The following CHFR variants were observed in gnomAD, a reference collection of about 807,000 sequenced individuals.
The protein encoded by CHFR is checkpoint with forkhead and ring finger domains.
A neutral mutation model predicts 87.6 loss-of-function variants in CHFR; 57 were observed. That is an observed-to-expected ratio of 0.65 (90% CI 0.53 to 0.81). The LOEUF (loss-of-function observed/expected upper bound fraction) is 0.81, where lower values mean the gene tolerates loss of function less well. Ranked by LOEUF, CHFR falls within the 30% of genes least tolerant of loss-of-function variation. CHFR has a pLI of 0.00. For synonymous variants in CHFR, 381 were observed against 359.2 expected, an observed-to-expected ratio of 1.06 and a Z score of -0.69; for missense variants, 797 against 865.8, an observed-to-expected ratio of 0.92 and a Z score of 1.00.
chr12:132,856,508 G>A lies in CHFR; in HGVS notation c.1189C>T (p.Leu397=), dbSNP rs1309789349. 43 of 1,614,108 alleles carry A rather than the reference G, an allele frequency of 2.7e-5. No homozygotes were observed. Among genetic ancestry groups the A allele is most frequent in the Non-Finnish European group, 3.4e-5 (40 of 1,180,062 alleles). Residue 397 remains leucine, a synonymous_variant, in exon 10 of 18, where the codon CTG becomes TTG. Transcript: ENST00000450056. ...SDEEGSSEDL[L]ELSDVDSESS... ...TCACTGTCAACGTCTGACAGCTCCA[G>A]CAGGTCCTCTGAACTCCCTTCTTCA...
At chr12:132,846,323 C>T (rs973582499) in intron 15 of CHFR, among the ~76,000 whole-genome samples, 11 of 145,536 alleles carry the variant, frequency 7.6e-5, no homozygotes, top group Admixed American at 1.4e-4. Flanking sequence ...AGTGCAGTGG[C>T]GTGATTTTGG....
chr12:132,863,687 A>G (rs1951268401), intron 6 of CHFR, among the ~76,000 whole-genome samples: 1 of 152,196 alleles, frequency 6.6e-6, no homozygotes, highest in Admixed American at 6.5e-5. Flanking sequence ...GGAGAGCGCT[A>G]TCTCCACGAG....
intron 6 of CHFR, chr12:132,866,015 T>C (rs1227554230): frequency 6.6e-6 from 1 of 152,170 alleles, no homozygotes; most frequent in African/African-American, 2.4e-5. Context: ...CTTTCACTCA[T>C]AAATTTAAGG....
rs138774984 is a variant in CHFR, at chr12:132,871,630, G to T, written c.343+655C>A. 7.2e-5 allele frequency among the ~76,000 whole-genome samples: 11 copies of T among 151,894 alleles called. No individual in the cohort carries two copies. In the East Asian group the frequency reaches 2.1e-3, roughly 29 times the overall value. On this transcript the variant is annotated intron_variant, in intron 4 of 17. Coordinates refer to ENST00000450056, the MANE Select transcript of CHFR (RefSeq NM_001161346.2). ...CTACTAAAAATACAAAAATGAGCCGGGCGTGGTGGTGGGCACCTATAATCC... is the reference window on the plus strand; with the variant it reads ...CTACTAAAAATACAAAAATGAGCCGTGCGTGGTGGTGGGCACCTATAATCC...
chr12:132,837,297 C>A lies in CHFR; in HGVS notation c.*4257G>T. ...ATTTCTCATGATTATATGCTGGCTG[C>A]CTGGTGCAGCACTGTGCTGGTGTTT... On this transcript the variant is annotated 3_prime_UTR_variant, in exon 18 of 18. Coordinates refer to ENST00000450056, the MANE Select transcript of CHFR (RefSeq NM_001161346.2). The A allele has an allele frequency of 5.6e-6, 1 of 180,076 alleles. No individual in the cohort carries two copies. The highest frequency in any genetic ancestry group is 1.2e-5 in the Non-Finnish European group (1 of 84,260). 11.2% of individuals were successfully genotyped at this position (180,076 alleles called of 1,614,324 possible). A position where few individuals can be genotyped will look rare whatever the true frequency, so the allele number is the denominator to read the frequency against.
At chr12:132,866,157 A>T (rs1951330733) in intron 6 of CHFR, 1 of 152,226 alleles carries the variant, frequency 6.6e-6, no homozygotes, top group Non-Finnish European at 1.5e-5. Context: ...ATCTCCAGAA[A>T]TATCAGGTGG....
intron 6 of CHFR, 165 bp from the exon 7 acceptor site, chr12:132,861,799 T>A (rs554983928): frequency 5.9e-4 from 360 of 614,006 alleles, no homozygotes; most frequent in South Asian, 8.0e-4. Flanking sequence ...TCAACTCACA[T>A]CTTAACTCTA....
chr12:132,880,358 G>A (rs1951738446), intron 2 of CHFR, among the ~76,000 whole-genome samples: 1 of 152,026 alleles, frequency 6.6e-6, no homozygotes, highest in Non-Finnish European at 1.5e-5. Context: ...GCTGAGGTTT[G>A]TCAAAAGTAA....
At chr12:132,875,838 T>C (rs1593520977) in intron 3 of CHFR, among the ~76,000 whole-genome samples, 1 of 152,156 alleles carries the variant, frequency 6.6e-6, no homozygotes, top group Admixed American at 6.6e-5. Context: ...ATGAGCTGGA[T>C]GTAGATGCAG....
Position 132,859,151 on chromosome 12 carries a change from GA to G in CHFR, c.827del (p.Val276AlafsTer15), listed in dbSNP as rs768680290. ...RRNAQTVHEDVRAAAGKPDKM... is the reference protein window; with the variant it reads ...RRNAQTVHEDXRAAAGKPDKM... ...TGTCTGGCTTCCCAGCCGCTGCTCTGACGTCCTCGTGGACGGTTTGGGCATT... is the reference window on the plus strand; with the variant it reads ...TGTCTGGCTTCCCAGCCGCTGCTCTGCGTCCTCGTGGACGGTTTGGGCATT... On this transcript the variant is annotated frameshift_variant, in exon 8 of 18. Coordinates refer to ENST00000450056, the MANE Select transcript of CHFR (RefSeq NM_001161346.2). LOFTEE classifies it high-confidence loss of function. 3.7e-6 allele frequency: 6 copies of G among 1,614,124 alleles called. No homozygotes were observed. Among genetic ancestry groups the G allele is most frequent in the Non-Finnish European group, 8.5e-7 (1 of 1,179,996 alleles).
Position 132,841,615 on chromosome 12 carries a change from C to T in CHFR, c.1917-19G>A. On this transcript the variant is annotated intron_variant, in intron 17 of 17. Transcript: ENST00000450056. ...GAATTTCCTGCAGGGAGAAAATGGC[C>T]AAATTACACAAGAGAGCATTGGAGA... 2 of 1,604,986 alleles carry T rather than the reference C, an allele frequency of 1.2e-6. No homozygotes were observed. Among genetic ancestry groups the T allele is most frequent in the South Asian group, 1.1e-5 (1 of 90,924 alleles).
intron 2 of CHFR, among the ~76,000 whole-genome samples, chr12:132,883,170 G>C (rs1475465716): frequency 6.6e-6 from 1 of 151,506 alleles, no homozygotes; most frequent in Non-Finnish European, 1.5e-5. Flanking sequence ...GATCACACCT[G>C]TAATCCCAGC....
intron 3 of CHFR, among the ~76,000 whole-genome samples, chr12:132,876,284 G>C (rs1390294036): frequency 3.9e-5 from 6 of 152,144 alleles, no homozygotes; most frequent in Admixed American, 2.0e-4. Context: ...CGTATGAATA[G>C]GATTTTGGAA....
At position 132,837,944 on chromosome 12, in the gene CHFR, G is replaced by A. The variant is rs1347619857; in HGVS notation, c.*3610C>T. ...TTTCCTAAATCCCCTCCGTTCTCAT[G>A]CTTTCCTTCCCTTCCCAGTGCAGGG... On this transcript the variant is annotated 3_prime_UTR_variant, in exon 18 of 18. Transcript: ENST00000450056. 1 of 152,374 alleles carries A rather than the reference G, an allele frequency of 6.6e-6. No individual in the cohort carries two copies. Among genetic ancestry groups the A allele is most frequent in the Non-Finnish European group, 1.5e-5 (1 of 68,128 alleles). 9.4% of individuals were successfully genotyped at this position (152,374 alleles called of 1,614,324 possible).
intron 15 of CHFR, 91 bp from the exon 16 acceptor site, chr12:132,844,225 A>G (rs1566174014): frequency 1.3e-6 from 1 of 777,176 alleles, no homozygotes; most frequent in South Asian, 1.5e-5. Flanking sequence ...CGCACTGACC[A>G]TAAATGGGGT....
intron 2 of CHFR, among the ~76,000 whole-genome samples, chr12:132,886,031 G>A (rs1292002883): frequency 6.6e-6 from 1 of 152,156 alleles, no homozygotes; most frequent in Non-Finnish European, 1.5e-5. Context: ...ACAAAACCAG[G>A]TCAGACACAG....
At chr12:132,872,736 C>G (rs1386476995) in intron 3 of CHFR, among the ~76,000 whole-genome samples, 1 of 152,216 alleles carries the variant, frequency 6.6e-6, no homozygotes, top group Admixed American at 6.5e-5. Context: ...CTCCCCTGAG[C>G]TGGACTTGTG....
rs1256747525 is a variant in CHFR, at chr12:132,853,458, G to A, written c.1345C>T (p.Pro449Ser). ...PGAPQALGDAPSTSVSLTTAV... is the reference protein window; with the variant it reads ...PGAPQALGDASSTSVSLTTAV... ...GTCGTCAGGCTGACGGACGTGGAGG[G>A]TGCATCCCCCAGGGCCTGTGGGGCT... Residue 449 changes from proline to serine, a missense_variant, in exon 11 of 18, where the codon CCC becomes TCC. Physicochemically the swap from Pro to Ser is moderately conservative, Grantham distance 74. Around this residue, in one of 2 missense-constraint regions of CHFR, gnomAD observed 597 missense variants for 601.2 expected, o/e 0.99. Coordinates refer to ENST00000450056, the MANE Select transcript of CHFR (RefSeq NM_001161346.2). The A allele has an allele frequency of 3.9e-6, 6 of 1,539,952 alleles. No homozygotes were observed. Among genetic ancestry groups the A allele is most frequent in the Non-Finnish European group, 5.2e-6 (6 of 1,152,316 alleles).
At position 132,847,898 on chromosome 12, in the gene CHFR, AACAG is replaced by A. The variant is rs369745799; in HGVS notation, c.1647+183_1647+186del. 55 of 1,433,912 alleles carry A rather than the reference AACAG, an allele frequency of 3.8e-5. No individual in the cohort carries two copies. The African/African-American group carries it at 6.9e-4, about 18-fold the overall frequency. The allele number at this position is 1,433,912 out of a possible 1,614,324, so 88.8% of individuals were successfully genotyped here. A position where few individuals can be genotyped will look rare whatever the true frequency, so the allele number is the denominator to read the frequency against. ...ATACCTATTTTTGGAATACGGAAAA[AACAG>A]ACAAACACCAATGGCATGCAGAGAA... On this transcript the variant is annotated intron_variant, in intron 14 of 17. Transcript: ENST00000450056.
Sources: gnomAD v4.1 joint callset for allele counts (sites outside exome capture counted in the v4.1 genomes callset) on GRCh38, gnomAD v4.1.1 for gene constraint, gnomAD v4.1.1 regional missense constraint, MANE v1.5 for transcripts, NCBI Gene and HGNC (gene_info 2026-07-23, HGNC 2026-07-21) for gene names.